The following PCED1B variants were observed in gnomAD, a reference collection of about 807,000 sequenced individuals.
PCED1B encodes the protein PC-esterase domain containing 1B, also known as PC-esterase domain-containing protein 1B.
For synonymous variants in PCED1B, 251 were observed against 246.1 expected, an observed-to-expected ratio of 1.02 and a Z score of -0.19; for missense variants, 573 against 573.9, an observed-to-expected ratio of 1.00 and a Z score of 0.02.
chr12:47,224,195 G>A (rs1943567829), intron 3 of PCED1B, among the ~76,000 whole-genome samples: 1 of 152,046 alleles, frequency 6.6e-6, no homozygotes, highest in Non-Finnish European at 1.5e-5. Context: ...TTTATTTTAG[G>A]GAATATTTAC....
chr12:47,093,954 T>C (rs1938369614), intron 1 of PCED1B, among the ~76,000 whole-genome samples: 1 of 152,148 alleles, frequency 6.6e-6, no homozygotes. Flanking sequence ...TTAACTGTGC[T>C]GTTTATATCT....
intron 3 of PCED1B, among the ~76,000 whole-genome samples, chr12:47,217,378 A>C (rs900338792): frequency 1.3e-5 from 2 of 149,208 alleles, no homozygotes; most frequent in Non-Finnish European, 2.9e-5. Context: ...CAACTTGGGC[A>C]ACAGAGTGAG....
At chr12:47,119,772 C>T (rs1051464116) in intron 2 of PCED1B, among the ~76,000 whole-genome samples, 5 of 151,478 alleles carry the variant, frequency 3.3e-5, no homozygotes, top group African/African-American at 1.2e-4. Context: ...TGAGGTCAGC[C>T]TGGTCAATAT....
intron 2 of PCED1B, among the ~76,000 whole-genome samples, chr12:47,182,590 CA>C (rs36094308): frequency 0.29 from 40,623 of 138,666 alleles, 5,850 homozygotes; most frequent in East Asian, 0.56. Flanking sequence ...GACTCCATCT[CA>C]AAAAAAAAAA....
rs766691196 is a variant in PCED1B, at chr12:47,236,129, C to T, written c.1066C>T (p.His356Tyr). Residue 356 changes from histidine to tyrosine, a missense_variant, in exon 4 of 4, where the codon CAT becomes TAT. Coordinates refer to ENST00000546455, the MANE Select transcript of PCED1B (RefSeq NM_138371.3). ...TTTCCAGTCGGATCAATTCTATTGC[C>T]ATTCAGATGTCCCCTCATCAGCCCA... ...HTFQSDQFYC[H>Y]SDVPSSAHAG... 6.2e-7 allele frequency: 1 copy of T among 1,614,124 alleles called. No individual in the cohort carries two copies. The highest frequency in any genetic ancestry group is 1.7e-5 in the Admixed American group (1 of 60,018).
chr12:47,174,274 T>C (rs763621052), intron 2 of PCED1B, among the ~76,000 whole-genome samples: 46 of 152,026 alleles, frequency 3.0e-4, no homozygotes, highest in Admixed American at 5.2e-4. Flanking sequence ...CCAGGCATGG[T>C]GGCGCATGCT....
At chr12:47,227,852 CA>C (rs941585377) in intron 3 of PCED1B, among the ~76,000 whole-genome samples, 12 of 144,338 alleles carry the variant, frequency 8.3e-5, no homozygotes, top group East Asian at 2.0e-4. Flanking sequence ...GACTCTGACT[CA>C]AAAAAAAAAG....
At chr12:47,193,836 G>A (rs771038836) in intron 2 of PCED1B, among the ~76,000 whole-genome samples, 1 of 152,168 alleles carries the variant, frequency 6.6e-6, no homozygotes, top group Non-Finnish European at 1.5e-5. Context: ...TTATTTCAGG[G>A]TGTCTGCCAT....
intron 1 of PCED1B, among the ~76,000 whole-genome samples, chr12:47,082,173 C>G (rs1244022985): frequency 2.0e-5 from 3 of 152,194 alleles, no homozygotes; most frequent in Admixed American, 6.5e-5. Context: ...TTCCCTCTTT[C>G]CACTAGAAGG....
intron 2 of PCED1B, among the ~76,000 whole-genome samples, chr12:47,200,667 TAGC>T (rs1260015398): frequency 6.6e-6 from 1 of 152,242 alleles, no homozygotes; most frequent in Non-Finnish European, 1.5e-5. Context: ...TGAATGTTTG[TAGC>T]AGCTCTATCA....
intron 2 of PCED1B, among the ~76,000 whole-genome samples, chr12:47,175,677 A>G (rs537300767): frequency 6.6e-6 from 1 of 151,728 alleles, no homozygotes; most frequent in Non-Finnish European, 1.5e-5. Flanking sequence ...AGGTTTAAGC[A>G]ATTCTCCTGC....
chr12:47,177,565 A>T (rs1941963425), intron 2 of PCED1B, among the ~76,000 whole-genome samples: 1 of 152,068 alleles, frequency 6.6e-6, no homozygotes, highest in Admixed American at 6.6e-5. Context: ...AGAGATGATG[A>T]TTATAGCACC....
intron 2 of PCED1B, among the ~76,000 whole-genome samples, chr12:47,170,784 A>G (rs1941704636): frequency 6.6e-6 from 1 of 152,148 alleles, no homozygotes; most frequent in South Asian, 2.1e-4. Flanking sequence ...TGTTAAGTAT[A>G]ACAACTGTTT....
At chr12:47,129,561 A>G (rs534670490) in intron 2 of PCED1B, among the ~76,000 whole-genome samples, 5 of 152,024 alleles carry the variant, frequency 3.3e-5, no homozygotes, top group African/African-American at 7.2e-5. Context: ...TCAGAATGGC[A>G]TGCCCCTCTT....
chr12:47,168,034 G>A (rs919075865), intron 2 of PCED1B, among the ~76,000 whole-genome samples: 1 of 152,182 alleles, frequency 6.6e-6, no homozygotes, highest in Admixed American at 6.5e-5. Flanking sequence ...GAGGTAGATG[G>A]GGACACTAAC....
intron 2 of PCED1B, among the ~76,000 whole-genome samples, chr12:47,107,233 G>A (rs775781771): frequency 2.6e-5 from 4 of 152,122 alleles, no homozygotes; most frequent in Admixed American, 1.3e-4. Flanking sequence ...GCCAAACACC[G>A]TAAGCCTAGG....
chr12:47,195,307 C>A (rs936125388), intron 2 of PCED1B, among the ~76,000 whole-genome samples: 1 of 144,232 alleles, frequency 6.9e-6, no homozygotes, highest in Non-Finnish European at 1.5e-5. Context: ...CCAGCCTGGG[C>A]GATGGAGCGA....
intron 3 of PCED1B, among the ~76,000 whole-genome samples, chr12:47,220,649 A>G (rs73110250): frequency 0.016 from 2,484 of 152,338 alleles, 36 homozygotes; most frequent in Non-Finnish European, 0.029. Context: ...GGGTACAAGG[A>G]TGGGTGAGAC....
At chr12:47,146,438 C>T (rs531655563) in intron 2 of PCED1B, among the ~76,000 whole-genome samples, 1 of 152,246 alleles carries the variant, frequency 6.6e-6, no homozygotes, top group African/African-American at 2.4e-5. Context: ...GGGTAAAATG[C>T]TATCAAACAG....
Sources: gnomAD v4.1 joint callset for allele counts (sites outside exome capture counted in the v4.1 genomes callset) on GRCh38, gnomAD v4.1.1 for gene constraint, MANE v1.5 for transcripts, NCBI Gene and HGNC (gene_info 2026-07-23, HGNC 2026-07-21) for gene names.